NOS1: variants seen among roughly 807,000 people sequenced by gnomAD.
NOS1 encodes NOS type I.
A neutral mutation model predicts 164.5 loss-of-function variants in NOS1; 51 were observed. The ratio of observed to expected loss-of-function variants is 0.31; its 90% CI spans 0.25 to 0.39. The LOEUF is 0.39. NOS1 is among the 10% of genes least tolerant of loss of function. The probability of loss-of-function intolerance (pLI) is 1.00; values close to 1 mark genes in which losing one functional copy is unlikely to be tolerated. For missense variants in NOS1, 1,362 were observed against 1,885.6 expected, an observed-to-expected ratio of 0.72 and a Z score of 5.14; for synonymous variants, 719 against 745.8, an observed-to-expected ratio of 0.96 and a Z score of 0.59.
Position 117,263,955 on chromosome 12 carries a change from T to C in NOS1, c.2156A>G (p.His719Arg). Residue 719 changes from histidine (H) to arginine (R), a missense_variant, in exon 13 of 29, where the codon CAT (histidine) becomes CGT (arginine). Around this residue, in one of 4 missense-constraint regions of NOS1, gnomAD observed 737 missense variants for 1,030.3 expected, o/e 0.72. Coordinates refer to ENST00000317775, the MANE Select transcript of NOS1 (RefSeq NM_000620.5). ...FEYQPDPWNT[H>R]VWKGTNGTPT... ...GGTCCCGTTGGTGCCTTTCCAGACA[T>C]GCGTGTTCCAGGGATCAGGCTGGGA... The C allele has an allele frequency of 2.5e-6, 4 of 1,613,654 alleles. No individual in the cohort carries two copies. Among genetic ancestry groups the C allele is most frequent in the Non-Finnish European group, 3.4e-6 (4 of 1,179,794 alleles).
At chr12:117,260,737 T>C in intron 13 of NOS1, 128 bp from the exon 14 acceptor site, 1 of 1,001,062 alleles carries the variant, frequency 1.0e-6, no homozygotes, top group Non-Finnish European at 1.4e-6. Context: ...TGATCTTTGA[T>C]GGCTTCAGGG....
At chr12:117,237,124 G>A (rs547026787) in intron 20 of NOS1, among the ~76,000 whole-genome samples, 115 of 152,250 alleles carry the variant, frequency 7.6e-4, no homozygotes, top group African/African-American at 2.7e-3. Flanking sequence ...GTTCTGCTGA[G>A]CTTTGTAAGT....
Position 117,209,532 on chromosome 12 carries a change from T to A in NOS1, c.*5777A>T. 1.0e-6 allele frequency: 1 copy of A among 985,490 alleles called. No homozygotes were observed. The allele number at this position is 985,490 out of a possible 1,614,324, so 61.0% of individuals were successfully genotyped here. ...GATTTGTTCCCGCCTGCCAGGGCCA[T>A]CTCGTTAATAACGGACTGTGTTTTG... On this transcript the variant is annotated 3_prime_UTR_variant, in exon 29 of 29. Transcript: ENST00000317775.
chr12:117,214,779 A>G lies in NOS1; in HGVS notation c.*530T>C. ...GAGGGTCTTCAATGAAAGCAGTGGCAATCTAAGATCGACACACTTGTGCAG... is the reference window on the plus strand; with the variant it reads ...GAGGGTCTTCAATGAAAGCAGTGGCGATCTAAGATCGACACACTTGTGCAG... On this transcript the variant is annotated 3_prime_UTR_variant, in exon 29 of 29. Coordinates refer to ENST00000317775, the MANE Select transcript of NOS1 (RefSeq NM_000620.5). 1.0e-6 allele frequency: 1 copy of G among 985,280 alleles called. No individual in the cohort carries two copies. The highest frequency in any genetic ancestry group is 1.2e-6 in the Non-Finnish European group (1 of 830,060). 61.0% of individuals were successfully genotyped at this position (985,280 alleles called of 1,614,324 possible). A position where few individuals can be genotyped will look rare whatever the true frequency, so the allele number is the denominator to read the frequency against.
intron 3 of NOS1, among the ~76,000 whole-genome samples, chr12:117,304,515 G>C (rs1249002461): frequency 6.6e-6 from 1 of 152,206 alleles, no homozygotes; most frequent in Non-Finnish European, 1.5e-5. Flanking sequence ...CAAGGGCAGG[G>C]AAGCCTGTGT....
intron 8 of NOS1, among the ~76,000 whole-genome samples, chr12:117,279,470 T>C (rs746724054): frequency 6.6e-6 from 1 of 152,240 alleles, no homozygotes; most frequent in Non-Finnish European, 1.5e-5. Flanking sequence ...TTTTCTCTTA[T>C]GGCACATCTC....
intron 9 of NOS1, among the ~76,000 whole-genome samples, chr12:117,277,602 GAAAGAA>G (rs938074453): frequency 2.6e-4 from 39 of 151,870 alleles, no homozygotes; most frequent in South Asian, 8.4e-4. Flanking sequence ...TCAAAAAAAA[GAAAGAA>G]AAAGAAAAAG....
intron 1 of NOS1, among the ~76,000 whole-genome samples, chr12:117,360,221 G>A (rs1046131361): frequency 1.7e-4 from 26 of 151,954 alleles, no homozygotes; most frequent in Non-Finnish European, 3.4e-4. Flanking sequence ...AGCCTGATGC[G>A]GAGCTTGGAG....
intron 1 of NOS1, among the ~76,000 whole-genome samples, chr12:117,358,301 T>C (rs936422746): frequency 2.0e-5 from 3 of 152,130 alleles, no homozygotes; most frequent in Admixed American, 1.3e-4. Context: ...AGAGACCCAC[T>C]GGGAGCAGCC....
At chr12:117,278,844 A>C (rs949148663) in intron 8 of NOS1, among the ~76,000 whole-genome samples, 5 of 149,430 alleles carry the variant, frequency 3.3e-5, no homozygotes, top group Admixed American at 6.7e-5. Flanking sequence ...TATTACTATC[A>C]TATATTCTAA....
In NOS1 at chr12:117,272,278, C is replaced by T. The variant is rs1872845107; in HGVS notation, c.1839+107G>A. 3 of 1,191,190 alleles carry T rather than the reference C, an allele frequency of 2.5e-6. No individual in the cohort carries two copies. The highest frequency in any genetic ancestry group is 3.7e-6 in the Non-Finnish European group (3 of 808,668). The allele number at this position is 1,191,190 out of a possible 1,614,324, so 73.8% of individuals were successfully genotyped here. On this transcript the variant is annotated intron_variant, in intron 10 of 28. Coordinates refer to ENST00000317775, the MANE Select transcript of NOS1 (RefSeq NM_000620.5). This position sits in a 1 kb window ranked among gnomAD's most constrained non-coding sequence, Gnocchi z 4.3. Reference sequence around the variant, plus strand: ...CTCTGGGATTGCAATTCTATTCTAACCCCTTCAAGTTTCCAAGCCACCAAG... The same window carrying T: ...CTCTGGGATTGCAATTCTATTCTAATCCCTTCAAGTTTCCAAGCCACCAAG...
At chr12:117,329,798 C>T (rs1875438645) in intron 2 of NOS1, among the ~76,000 whole-genome samples, 1 of 152,170 alleles carries the variant, frequency 6.6e-6, no homozygotes, top group Non-Finnish European at 1.5e-5. Context: ...ACTTTGATTC[C>T]CTTCTACTCC....
chr12:117,339,362 T>G (rs1875989081), intron 1 of NOS1, among the ~76,000 whole-genome samples: 1 of 152,226 alleles, frequency 6.6e-6, no homozygotes, highest in Admixed American at 6.5e-5. Flanking sequence ...GCACGAGCAT[T>G]AATGATTGTT....
chr12:117,240,364 AT>A (rs1870067452), intron 20 of NOS1, among the ~76,000 whole-genome samples: 1 of 152,174 alleles, frequency 6.6e-6, no homozygotes, highest in African/African-American at 2.4e-5. Flanking sequence ...GGTTTGGAGG[AT>A]TACATAGAAA....
At chr12:117,347,958 G>A (rs912887084) in intron 1 of NOS1, 8 of 151,498 alleles carry the variant, frequency 5.3e-5, no homozygotes, top group African/African-American at 1.7e-4. Context: ...AACAGGAGCT[G>A]AGTGGAATGC....
At chr12:117,338,116 CT>C (rs1875924608) in intron 1 of NOS1, among the ~76,000 whole-genome samples, 1 of 152,046 alleles carries the variant, frequency 6.6e-6, no homozygotes, top group Non-Finnish European at 1.5e-5. Flanking sequence ...GATCAGGAGG[CT>C]GAGGCAGGAG....
At chr12:117,233,034 CTTTT>C (rs34474757) in intron 21 of NOS1, among the ~76,000 whole-genome samples, 1 of 88,364 alleles carries the variant, frequency 1.1e-5, no homozygotes, top group Admixed American at 1.7e-4. Flanking sequence ...TGCCTCACTA[CTTTT>C]TTTTTTTTTT....
At chr12:117,277,175 T>C (rs987053488) in intron 9 of NOS1, among the ~76,000 whole-genome samples, 2 of 152,130 alleles carry the variant, frequency 1.3e-5, no homozygotes, top group African/African-American at 4.8e-5. Flanking sequence ...GATAAGCCAT[T>C]GTAACTGAGG....
In NOS1 at chr12:117,213,996, A is replaced by ATT. The variant is rs1266655097; in HGVS notation, c.*1311_*1312dup. 1 of 985,254 alleles carries ATT rather than the reference A, an allele frequency of 1.0e-6. No homozygotes were observed. The highest frequency in any genetic ancestry group is 1.7e-5 in the African/African-American group (1 of 57,226). The allele number at this position is 985,254 out of a possible 1,614,324, so 61.0% of individuals were successfully genotyped here. A position where few individuals can be genotyped will look rare whatever the true frequency, so the allele number is the denominator to read the frequency against. ...GAGGGTAACTTATTTGTCAAAATTA[A>ATT]TTTAACAGGTTTAAAACTTTGGAGA... On this transcript the variant is annotated 3_prime_UTR_variant, in exon 29 of 29. Transcript: ENST00000317775.
Sources: gnomAD v4.1 joint callset for allele counts (sites outside exome capture counted in the v4.1 genomes callset) on GRCh38, gnomAD v4.1.1 for gene constraint, gnomAD v4.1.1 regional missense constraint, Gnocchi (gnomAD v3.1) non-coding constraint, MANE v1.5 for transcripts, NCBI Gene and HGNC (gene_info 2026-07-23, HGNC 2026-07-21) for gene names.